The following CACYBP variants were observed in gnomAD, a reference collection of about 807,000 sequenced individuals.
CACYBP encodes the protein calcyclin binding protein, also known as calcyclin-binding protein.
Under a neutral mutation model 29.6 loss-of-function variants are expected in CACYBP, and 11 were observed. The observed-to-expected ratio is 0.37, with a 90% CI of 0.23 to 0.61. CACYBP has a LOEUF of 0.61. CACYBP is among the 20% of genes least tolerant of loss of function. CACYBP has a pLI of 0.65. For synonymous variants in CACYBP, 73 were observed against 88.3 expected (o/e 0.83, Z 0.97); for missense variants, 163 against 260.7 (o/e 0.63, Z 2.58).
intron 4 of CACYBP, among the ~76,000 whole-genome samples, chr1:175,008,029 G>A (rs1013274988): frequency 4.6e-5 from 7 of 152,198 alleles, no homozygotes; most frequent in Admixed American, 2.0e-4. Flanking sequence ...TTCTGCATCC[G>A]CTAGTCCCAT....
chr1:175,005,852 C>G (rs978661862), intron 2 of CACYBP, among the ~76,000 whole-genome samples: 3 of 152,082 alleles, frequency 2.0e-5, no homozygotes, highest in African/African-American at 7.2e-5. Context: ...ATGAAGTTCT[C>G]TGGACCCCAC....
At chr1:175,000,338 C>T in intron 1 of CACYBP, 143 bp downstream of exon 1, 1 of 1,456,472 alleles carries the variant, frequency 6.9e-7, no homozygotes, top group Non-Finnish European at 9.1e-7. Flanking sequence ...TCCCGGGGGA[C>T]ACCTCACTCG....
rs1672425484 is a variant in CACYBP at position 175,000,070 on chromosome 1, C to T, written c.-111C>T. The T allele has an allele frequency of 1.5e-5, 21 of 1,444,602 alleles. No homozygotes were observed. Among genetic ancestry groups the T allele is most frequent in the Non-Finnish European group, 2.0e-5 (21 of 1,051,516 alleles). The allele number at this position is 1,444,602 out of a possible 1,614,324, so 89.5% of individuals were successfully genotyped here. On this transcript the variant is annotated 5_prime_UTR_variant, in exon 1 of 6. Coordinates refer to ENST00000367679, the MANE Select transcript of CACYBP (RefSeq NM_014412.3). ...GTCGGTGTGGGCGCAGGCTGCAGCG[C>T]CGCGACTCGTGCGGGTAGGCGTCTG...
At chr1:175,009,066 C>A (rs1672684579) in intron 5 of CACYBP, among the ~76,000 whole-genome samples, 1 of 152,180 alleles carries the variant, frequency 6.6e-6, no homozygotes, top group Admixed American at 6.5e-5. Context: ...ATATTTTTAT[C>A]CTTCTTAATA....
At chr1:175,009,858 A>G in intron 5 of CACYBP, 65 bp from the exon 6 acceptor site, 2 of 1,321,928 alleles carry the variant, frequency 1.5e-6, no homozygotes, top group Admixed American at 2.1e-5. Flanking sequence ...AGTGTTAACA[A>G]CCTGAATGAT....
At chr1:175,005,742 G>C (rs778396662) in intron 2 of CACYBP, among the ~76,000 whole-genome samples, 1 of 152,194 alleles carries the variant, frequency 6.6e-6, no homozygotes, top group Non-Finnish European at 1.5e-5. Flanking sequence ...TGAAGGTGTT[G>C]AGGATTATGG....
chr1:175,004,909 C>A, intron 2 of CACYBP, 76 bp downstream of exon 2: 2 of 966,636 alleles, frequency 2.1e-6, no homozygotes, highest in East Asian at 2.4e-5. Context: ...AATTCATCCC[C>A]AATGAGTTTT....
chr1:175,007,033 G>T, intron 3 of CACYBP, 65 bp from the exon 4 acceptor site: 2 of 1,178,778 alleles, frequency 1.7e-6, no homozygotes, highest in South Asian at 2.7e-5. Flanking sequence ...TTTCCCACAA[G>T]AACTATGGAG....
intron 4 of CACYBP, 112 bp from the exon 5 acceptor site, chr1:175,008,497 T>G: frequency 1.6e-6 from 1 of 610,150 alleles, no homozygotes; most frequent in Admixed American, 2.8e-5. Flanking sequence ...GCACCCAAAA[T>G]AAGTCTATAC....
rs1242351663 is a variant in CACYBP, at chr1:175,006,661, C to T, written c.236-84C>T. The T allele has an allele frequency of 2.0e-5, 13 of 658,224 alleles. 1 individual carries two copies. The highest frequency in any genetic ancestry group is 1.9e-4 in the East Asian group (7 of 36,088). The allele number at this position is 658,224 out of a possible 1,614,324, so 40.8% of individuals were successfully genotyped here. ...ACTGGATTTTCATAATTTTACTTTC[C>T]TGACTTATGAGCCATGTGCATTTGC... On this transcript the variant is annotated intron_variant, in intron 2 of 5. Transcript: ENST00000367679.
chr1:175,000,720 GGTT>G, intron 1 of CACYBP: 1 of 543,068 alleles, frequency 1.8e-6, no homozygotes, highest in Non-Finnish European at 2.4e-6. Flanking sequence ...CATTTCATAG[GGTT>G]GTTAAAAAAT....
chr1:175,000,387 G>T (rs1672441637), intron 1 of CACYBP, 192 bp downstream of exon 1: 6 of 1,418,910 alleles, frequency 4.2e-6, no homozygotes, highest in Non-Finnish European at 5.5e-6. Context: ...GCTTCCACTC[G>T]ACCTCGCACC....
chr1:175,008,501 T>G (rs1672671363), intron 4 of CACYBP, 108 bp from the exon 5 acceptor site: 1 of 654,188 alleles, frequency 1.5e-6, no homozygotes, highest in African/African-American at 1.8e-5. Flanking sequence ...CCAAAATAAG[T>G]CTATACATAC....
chr1:175,001,392 A>G (rs772924977), intron 1 of CACYBP, among the ~76,000 whole-genome samples: 2 of 152,242 alleles, frequency 1.3e-5, no homozygotes, highest in Non-Finnish European at 2.9e-5. Context: ...GTTTAAATAT[A>G]TTCACAGTGT....
At position 175,007,210 on chromosome 1, in the gene CACYBP, T is replaced by A. The variant is rs748510976; in HGVS notation, c.432+13T>A. On this transcript the variant is annotated intron_variant, in intron 4 of 5. Coordinates refer to ENST00000367679, the MANE Select transcript of CACYBP (RefSeq NM_014412.3). ...CAGTTCAAAAAAAGTGAGTGTGCTT[T>A]TTTTGATTGTAATATTGTGAAACCT... 2.0e-6 allele frequency: 3 copies of A among 1,496,946 alleles called. No homozygotes were observed. In the South Asian group the frequency reaches 3.4e-5, roughly 17 times the overall value. 92.7% of individuals were successfully genotyped at this position (1,496,946 alleles called of 1,614,324 possible). A position where few individuals can be genotyped will look rare whatever the true frequency, so the allele number is the denominator to read the frequency against.
At chr1:175,000,705 G>A (rs1263024881) in intron 1 of CACYBP, 1 of 675,738 alleles carries the variant, frequency 1.5e-6, no homozygotes, top group Non-Finnish European at 1.8e-6. Flanking sequence ...TGTCGCAGTA[G>A]CATCCATTTC....
intron 4 of CACYBP, among the ~76,000 whole-genome samples, chr1:175,007,770 G>C (rs925523098): frequency 1.3e-5 from 2 of 152,206 alleles, no homozygotes; most frequent in Non-Finnish European, 2.9e-5. Flanking sequence ...ATAAAAGGAG[G>C]TCTTAAGCAC....
At chr1:175,000,513 G>A in intron 1 of CACYBP, 1 of 1,274,426 alleles carries the variant, frequency 7.8e-7, no homozygotes, top group Non-Finnish European at 9.9e-7. Flanking sequence ...TTTCTGCCCT[G>A]GTTTCCCAGC....
At chr1:175,005,802 C>T (rs929011611) in intron 2 of CACYBP, among the ~76,000 whole-genome samples, 2 of 152,026 alleles carry the variant, frequency 1.3e-5, no homozygotes, top group African/African-American at 2.4e-5. Context: ...CTTGTCAATC[C>T]GGAGGATGGA....
Sources: gnomAD v4.1 joint callset for allele counts (sites outside exome capture counted in the v4.1 genomes callset) on GRCh38, gnomAD v4.1.1 for gene constraint, MANE v1.5 for transcripts, NCBI Gene and HGNC (gene_info 2026-07-23, HGNC 2026-07-21) for gene names.